Variants in TBC1D19 observed in about 807,000 individuals in gnomAD.
The protein encoded by TBC1D19 is TBC1 domain family member 19.
Under a neutral mutation model 89.0 loss-of-function variants are expected in TBC1D19, and 60 were observed. That is an observed-to-expected ratio of 0.67 (90% confidence interval 0.55 to 0.84). The LOEUF is 0.84. TBC1D19 is among the 40% of genes least tolerant of loss of function. TBC1D19 has a pLI of 0.00. For missense variants in TBC1D19, 500 were observed against 610.8 expected (o/e 0.82, Z 1.91); for synonymous variants, 189 against 199.7 (o/e 0.95, Z 0.45).
At chr4:26,654,730 G>T (rs1352124055) in intron 7 of TBC1D19, among the ~76,000 whole-genome samples, 2 of 152,112 alleles carry the variant, frequency 1.3e-5, no homozygotes, top group African/African-American at 2.4e-5. Context: ...GCTCCATCAG[G>T]TCCTTTAAGG....
At chr4:26,678,747 T>C (rs992139026) in intron 11 of TBC1D19, among the ~76,000 whole-genome samples, 4 of 152,182 alleles carry the variant, frequency 2.6e-5, no homozygotes, top group Admixed American at 6.5e-5. Flanking sequence ...ACAGTAAAGA[T>C]CTTTGAGCTC....
At chr4:26,743,457 A>G (rs1419412000) in intron 18 of TBC1D19, among the ~76,000 whole-genome samples, 3 of 152,066 alleles carry the variant, frequency 2.0e-5, no homozygotes, top group Admixed American at 2.0e-4. Flanking sequence ...TTAATTTATC[A>G]AAGCCTCAAT....
intron 13 of TBC1D19, among the ~76,000 whole-genome samples, chr4:26,693,688 G>A (rs564959809): frequency 4.7e-5 from 7 of 148,852 alleles, no homozygotes; most frequent in South Asian, 2.1e-4. Flanking sequence ...GGTGAGACCC[G>A]GTCTAAAAAA....
At chr4:26,659,527 C>T in intron 7 of TBC1D19, 70 bp from the exon 8 acceptor site, 1 of 936,228 alleles carries the variant, frequency 1.1e-6, no homozygotes. Flanking sequence ...CTAAGAATAT[C>T]CCTGCTAATT....
At chr4:26,768,363 C>T in the TBC1D19 span, among the ~76,000 whole-genome samples, 1 of 152,160 alleles carries the variant, frequency 6.6e-6, no homozygotes, top group Non-Finnish European at 1.5e-5. Context: ...TACTTAACCC[C>T]ATATCAGCAC....
chr4:26,660,685 C>T (rs934603236), intron 8 of TBC1D19, among the ~76,000 whole-genome samples: 11 of 152,114 alleles, frequency 7.2e-5, no homozygotes, highest in African/African-American at 2.4e-4. Context: ...GGTTCAATAA[C>T]ACTCACCTCA....
chr4:26,600,591 T>C (rs1179289528), intron 1 of TBC1D19, among the ~76,000 whole-genome samples: 1 of 152,178 alleles, frequency 6.6e-6, no homozygotes, highest in African/African-American at 2.4e-5. Context: ...GTGAATACTT[T>C]CAGGCATAGA....
intron 13 of TBC1D19, among the ~76,000 whole-genome samples, chr4:26,712,643 A>G (rs1716276712): frequency 6.6e-6 from 1 of 152,128 alleles, no homozygotes; most frequent in African/African-American, 2.4e-5. Flanking sequence ...ATTTATAAAG[A>G]AAAGAGGCTT....
upstream of TBC1D19, chr4:26,584,082 C>T: frequency 9.6e-7 from 1 of 1,044,040 alleles, no homozygotes; most frequent in Non-Finnish European, 1.4e-6. Context: ...TGGAGGAGTC[C>T]CAGTGTAATA....
the TBC1D19 span, among the ~76,000 whole-genome samples, chr4:26,778,243 G>A: frequency 5.9e-5 from 9 of 151,910 alleles, no homozygotes; most frequent in East Asian, 1.9e-4. Flanking sequence ...GTGAAACCCC[G>A]TCTCTACTAA....
chr4:26,749,448 GTTTTT>G (rs59744575), intron 19 of TBC1D19, among the ~76,000 whole-genome samples: 1 of 107,150 alleles, frequency 9.3e-6, no homozygotes. Context: ...TATTCGGGTT[GTTTTT>G]TTTTTTTTTT....
downstream of TBC1D19, among the ~76,000 whole-genome samples, chr4:26,760,178 T>C (rs1481294408): frequency 6.6e-6 from 1 of 152,230 alleles, no homozygotes; most frequent in African/African-American, 2.4e-5. Context: ...CCTAATGATA[T>C]TGAGCATATT....
intron 11 of TBC1D19, among the ~76,000 whole-genome samples, chr4:26,681,496 C>G (rs1352914437): frequency 1.3e-5 from 2 of 151,814 alleles, no homozygotes; most frequent in East Asian, 3.9e-4. Context: ...GGTTGCAGTG[C>G]ACCGAGATCG....
At chr4:26,820,655 C>G in the TBC1D19 span, among the ~76,000 whole-genome samples, 8 of 152,150 alleles carry the variant, frequency 5.3e-5, no homozygotes, top group Admixed American at 1.3e-4. Context: ...GCAGATATCT[C>G]TTTGACATAC....
the TBC1D19 span, among the ~76,000 whole-genome samples, chr4:26,815,605 T>C: frequency 4.6e-5 from 7 of 152,338 alleles, no homozygotes; most frequent in African/African-American, 1.7e-4. Context: ...ACTCTGAGAA[T>C]GGTTTAAATG....
chr4:26,761,164 T>C (rs1719445747), downstream of TBC1D19, among the ~76,000 whole-genome samples: 1 of 152,242 alleles, frequency 6.6e-6, no homozygotes, highest in Non-Finnish European at 1.5e-5. Context: ...TATTCACGTA[T>C]GTTAAAACTA....
intron 1 of TBC1D19, among the ~76,000 whole-genome samples, chr4:26,590,796 G>GTTTGTTTTATTT (rs1739722647): frequency 1.9e-5 from 1 of 52,958 alleles, no homozygotes; most frequent in Non-Finnish European, 3.1e-5. Context: ...TTGCAGGTCT[G>GTTTGTTTTATTT]TTTTTTTTTT....
In TBC1D19 at chr4:26,753,706, G is replaced by A. The variant is rs1445554070; in HGVS notation, c.1436-114G>A. On this transcript the variant is annotated intron_variant, in intron 19 of 20. Transcript: ENST00000264866. ...TCAGAATGCGGGGGTGTGGTCCGTT[G>A]TGTAAAGCACTAGTTCTGAGTTTCC... The A allele has an allele frequency of 5.7e-6, 6 of 1,061,046 alleles. No individual in the cohort carries two copies. In the African/African-American group the frequency reaches 9.3e-5, roughly 16 times the overall value. The allele number at this position is 1,061,046 out of a possible 1,614,324, so 65.7% of individuals were successfully genotyped here.
At chr4:26,851,773 A>C in the TBC1D19 span, among the ~76,000 whole-genome samples, 2 of 151,914 alleles carry the variant, frequency 1.3e-5, no homozygotes, top group South Asian at 4.2e-4. Flanking sequence ...CTGGAGTGCA[A>C]TGGTACGATC....
Sources: allele counts gnomAD v4.1 joint callset (sites outside exome capture counted in the v4.1 genomes callset), GRCh38; gene constraint gnomAD v4.1.1; transcripts MANE v1.5; gene names NCBI Gene and HGNC (gene_info 2026-07-23, HGNC 2026-07-21).